NIPSNAP2: variants seen among roughly 807,000 people sequenced by gnomAD.
NIPSNAP2 encodes the protein nipsnap homolog 2, also known as protein NipSnap homolog 2.
In NIPSNAP2, 42 loss-of-function variants were observed where a neutral mutation model predicts 48.4. The ratio of observed to expected loss-of-function variants is 0.87; its 90% confidence interval spans 0.68 to 1.12. The LOEUF (loss-of-function observed/expected upper bound fraction) is 1.12, where lower values mean the gene tolerates loss of function less well. Among genes scored for constraint, NIPSNAP2 ranks in the 50% most tolerant of loss-of-function variants. NIPSNAP2 has a pLI of 0.00. For missense variants in NIPSNAP2, 314 were observed against 347.3 expected (o/e 0.90, Z 0.76); for synonymous variants, 158 against 126.6 (o/e 1.25, Z -1.67).
intron 9 of NIPSNAP2, among the ~76,000 whole-genome samples, chr7:55,998,619 G>A (rs1447799807): frequency 2.7e-5 from 4 of 145,500 alleles, no homozygotes; most frequent in African/African-American, 7.5e-5. Flanking sequence ...TCCCGCCTCA[G>A]CCTCCTGAGT....
Position 55,995,852 on chromosome 7 carries a change from G to A in NIPSNAP2, c.712+864G>A, listed in dbSNP as rs139722763. On this transcript the variant is annotated intron_variant, in intron 8 of 9. Transcript: ENST00000322090. ...CCTCTTGTCTCTGCCCTGTCGGGAG[G>A]ACTCAAGGCTTCACAGAGCAACAGC... is the stretch of plus-strand genomic sequence containing the variant. Among the ~76,000 whole-genome samples, 6 of 152,274 alleles carry A rather than the reference G, an allele frequency of 3.9e-5. No individual in the cohort carries two copies. The East Asian group carries it at 9.7e-4, about 25-fold the overall frequency.
intron 8 of NIPSNAP2, among the ~76,000 whole-genome samples, chr7:55,995,567 C>T (rs1207577794): frequency 6.6e-6 from 1 of 152,174 alleles, no homozygotes; most frequent in Non-Finnish European, 1.5e-5. Context: ...TGGTTATTAC[C>T]GTTGCGGCTG....
At chr7:55,986,185 G>A (rs1351915914) in intron 7 of NIPSNAP2, among the ~76,000 whole-genome samples, 1 of 151,872 alleles carries the variant, frequency 6.6e-6, no homozygotes, top group Non-Finnish European at 1.5e-5. Context: ...TGGGCAACAT[G>A]ACGAAACCCC....
intron 7 of NIPSNAP2, among the ~76,000 whole-genome samples, chr7:55,994,631 C>G (rs1310357936): frequency 1.3e-5 from 2 of 152,014 alleles, no homozygotes; most frequent in Non-Finnish European, 2.9e-5. Context: ...GAGGATGGCT[C>G]GAACCCAGGA....
chr7:55,979,753 C>CT (rs1562764279), intron 3 of NIPSNAP2: 1 of 455,490 alleles, frequency 2.2e-6, no homozygotes, highest in Non-Finnish European at 4.4e-6. Context: ...TTCTCTGAAA[C>CT]TTTCAGCAGC....
chr7:55,993,039 C>T (rs1787483445), intron 7 of NIPSNAP2, among the ~76,000 whole-genome samples: 1 of 152,122 alleles, frequency 6.6e-6, no homozygotes, highest in Admixed American at 6.6e-5. Context: ...TGGCTCACAC[C>T]TGTAATCCAA....
chr7:55,969,302 G>A (rs1786965021), intron 1 of NIPSNAP2, among the ~76,000 whole-genome samples: 1 of 152,054 alleles, frequency 6.6e-6, no homozygotes, highest in South Asian at 2.1e-4. Flanking sequence ...TTTAAGGCAG[G>A]AGTCTTCTTG....
chr7:55,997,897 A>T (rs1308323739), intron 9 of NIPSNAP2, among the ~76,000 whole-genome samples: 1 of 152,252 alleles, frequency 6.6e-6, no homozygotes, highest in East Asian at 1.9e-4. Flanking sequence ...TGGGTACATA[A>T]TACATGCATG....
intron 1 of NIPSNAP2, among the ~76,000 whole-genome samples, chr7:55,975,413 G>A (rs1015860933): frequency 6.6e-6 from 1 of 152,114 alleles, no homozygotes; most frequent in African/African-American, 2.4e-5. Context: ...CCAGAGGTAA[G>A]ATCACCAATT....
chr7:55,996,741 A>G (rs757792183), intron 8 of NIPSNAP2, among the ~76,000 whole-genome samples: 9 of 152,176 alleles, frequency 5.9e-5, no homozygotes, highest in Non-Finnish European at 1.0e-4. Flanking sequence ...TTAAGAGGGA[A>G]TTGTGTCTGG....
intron 1 of NIPSNAP2, among the ~76,000 whole-genome samples, chr7:55,977,330 G>A (rs1381915787): frequency 6.6e-6 from 1 of 152,166 alleles, no homozygotes; most frequent in Non-Finnish European, 1.5e-5. Flanking sequence ...GGCGGAGGTT[G>A]CAGTGAGCCC....
At chr7:55,985,303 T>C (rs1787302522) in intron 7 of NIPSNAP2, among the ~76,000 whole-genome samples, 1 of 152,350 alleles carries the variant, frequency 6.6e-6, no homozygotes, top group African/African-American at 2.4e-5. Flanking sequence ...AACGTTACTT[T>C]TGTCATATAT....
chr7:55,998,863 C>T (rs892875987), intron 9 of NIPSNAP2, 145 bp from the exon 10 acceptor site: 8 of 707,350 alleles, frequency 1.1e-5, no homozygotes, highest in African/African-American at 5.4e-5. Context: ...ATATTTCTGC[C>T]CTTGAGGTTA....
rs754548432 is a variant in NIPSNAP2, at chr7:55,981,520, C to T, written c.326C>T (p.Thr109Ile). 1.9e-6 allele frequency: 3 copies of T among 1,613,790 alleles called. No individual in the cohort carries two copies. Among genetic ancestry groups the T allele is most frequent in the Non-Finnish European group, 2.5e-6 (3 of 1,179,926 alleles). ...KIHEDKHYPCTLVGTWNTWYG... is the reference protein window; with the variant it reads ...KIHEDKHYPCILVGTWNTWYG... The stretch of plus-strand genomic sequence containing the variant: ...CACGAAGATAAACACTACCCTTGTA[C>T]TTTGGTGGGGACTTGGAACACGTGG... Residue 109 changes from threonine to isoleucine, a missense_variant, in exon 4 of 10, where the codon ACT becomes ATT. This residue lies in a region of NIPSNAP2 where 198 missense variants were observed against 185.5 expected (regional missense o/e 1.07). Coordinates refer to ENST00000322090, the MANE Select transcript of NIPSNAP2 (RefSeq NM_001483.3).
At chr7:55,984,517 G>A (rs1185188259) in intron 6 of NIPSNAP2, among the ~76,000 whole-genome samples, 3 of 152,098 alleles carry the variant, frequency 2.0e-5, no homozygotes, top group Non-Finnish European at 4.4e-5. Flanking sequence ...AGGAGTTTGA[G>A]ACCAGCTTGG....
intron 3 of NIPSNAP2, chr7:55,978,604 A>G (rs1345119839): frequency 2.7e-5 from 15 of 553,462 alleles, no homozygotes; most frequent in Non-Finnish European, 3.2e-5. Context: ...CATATAGGCT[A>G]TCAGACTTTA....
At chr7:55,998,934 A>C in intron 9 of NIPSNAP2, 74 bp from the exon 10 acceptor site, 1 of 1,219,116 alleles carries the variant, frequency 8.2e-7, no homozygotes. Flanking sequence ...ATTCTCGGCA[A>C]TCTGTCTGTT....
chr7:55,964,595 G>A lies in NIPSNAP2; in HGVS notation c.-15G>A. ...CGGCGGCGCCCGGGCGGTGGGAGCC[G>A]AGGCGCCGAGCAAGATGGCGGCGCG... On this transcript the variant is annotated 5_prime_UTR_variant, in exon 1 of 10. Coordinates refer to ENST00000322090, the MANE Select transcript of NIPSNAP2 (RefSeq NM_001483.3). The A allele has an allele frequency of 1.0e-6, 1 of 1,004,842 alleles. No homozygotes were observed. The highest frequency in any genetic ancestry group is 4.5e-5 in the South Asian group (1 of 22,096). The allele number at this position is 1,004,842 out of a possible 1,614,324, so 62.2% of individuals were successfully genotyped here.
intron 7 of NIPSNAP2, among the ~76,000 whole-genome samples, chr7:55,992,451 C>T (rs1178431734): frequency 1.3e-5 from 2 of 152,320 alleles, no homozygotes; most frequent in African/African-American, 4.8e-5. Flanking sequence ...GATCATGCCA[C>T]TGTACTCCGG....
Sources: allele counts gnomAD v4.1 joint callset (sites outside exome capture counted in the v4.1 genomes callset), GRCh38; gene constraint gnomAD v4.1.1; regional missense constraint gnomAD v4.1.1; transcripts MANE v1.5; gene names NCBI Gene and HGNC (gene_info 2026-07-23, HGNC 2026-07-21).